The following SHISA6 variants were observed in gnomAD, a reference collection of about 807,000 sequenced individuals.
SHISA6 encodes shisa family member 6, also known as protein shisa-6.
A neutral mutation model predicts 47.9 loss-of-function variants in SHISA6; 22 were observed. The ratio of observed to expected loss-of-function variants is 0.46; its 90% CI spans 0.33 to 0.66. The LOEUF is 0.66. SHISA6 is among the 30% of genes least tolerant of loss of function. The pLI, the probability that SHISA6 is intolerant of heterozygous loss-of-function variation, is 0.02. For missense variants in SHISA6, 680 were observed against 764.6 expected (o/e 0.89, Z 1.30); for synonymous variants, 388 against 337.8 (o/e 1.15, Z -1.63).
intron 2 of SHISA6, among the ~76,000 whole-genome samples, chr17:11,293,646 T>C (rs1181528334): frequency 6.6e-6 from 1 of 151,822 alleles, no homozygotes; most frequent in Non-Finnish European, 1.5e-5. Flanking sequence ...AACGCAAGCA[T>C]GGTGATGAGG....
intron 2 of SHISA6, among the ~76,000 whole-genome samples, chr17:11,313,642 C>A (rs1361696976): frequency 6.6e-6 from 1 of 152,102 alleles, no homozygotes; most frequent in African/African-American, 2.4e-5. Context: ...GGGGAGGCGG[C>A]ATTTAAGCAG....
At chr17:11,270,682 T>G (rs561472496) in intron 2 of SHISA6, among the ~76,000 whole-genome samples, 4 of 152,228 alleles carry the variant, frequency 2.6e-5, no homozygotes, top group Non-Finnish European at 5.9e-5. Context: ...TGGACATATG[T>G]TTCCATAAAA....
At position 11,383,466 on chromosome 17, in the gene SHISA6, A is replaced by G. The variant is rs377106750; in HGVS notation, c.895+3957A>G. 1.1e-4 allele frequency among the ~76,000 whole-genome samples: 16 copies of G among 152,212 alleles called. No homozygotes were observed. In the East Asian group the frequency reaches 2.7e-3, roughly 26 times the overall value. ...TTGAGAACGTGAGATCTTATAAAAC[A>G]TAGAATTCTGCCTGTGGGAGCTCCA... On this transcript the variant is annotated intron_variant, in intron 3 of 5. Coordinates refer to ENST00000441885, the MANE Select transcript of SHISA6 (RefSeq NM_207386.4).
Position 11,284,990 on chromosome 17 carries a change from C to G in SHISA6, c.799+21464C>G, listed in dbSNP as rs564174114. ...AGCCCTCTCCAGCTGGCCCTGTGGC[C>G]TGCTACTCAGCTCAGGATGCTAAAC... is the stretch of plus-strand genomic sequence containing the variant. On this transcript the variant is annotated intron_variant, in intron 2 of 5. Transcript: ENST00000441885. Among the ~76,000 whole-genome samples the G allele has an allele frequency of 5.9e-5, 9 of 152,328 alleles. 1 individual carries two copies. Among genetic ancestry groups the G allele is most frequent in the African/African-American group, 2.2e-4 (9 of 41,570 alleles).
intron 3 of SHISA6, among the ~76,000 whole-genome samples, chr17:11,493,540 C>T (rs1056855774): frequency 6.6e-6 from 1 of 152,014 alleles, no homozygotes; most frequent in African/African-American, 2.4e-5. Flanking sequence ...AATGCAACTC[C>T]TACTTGTTTT....
chr17:11,488,972 A>C (rs988170639), intron 3 of SHISA6, among the ~76,000 whole-genome samples: 4 of 152,102 alleles, frequency 2.6e-5, no homozygotes. Flanking sequence ...CTCCCTGATG[A>C]GTCTGTTTCT....
Position 11,556,628 on chromosome 17 carries a change from T to C in SHISA6, c.1105+736T>C, listed in dbSNP as rs78744198. Among the ~76,000 whole-genome samples the C allele has an allele frequency of 1.9e-3, 296 of 152,272 alleles. 4 individuals are homozygous for C. In the East Asian group the frequency reaches 0.05, roughly 26 times the overall value. ...TTGAAAGCTTCAGGGTAACCTACCC[T>C]GACAGAAGTGCAGCCCAAGTCCACA... On this transcript the variant is annotated intron_variant, in intron 5 of 5. Coordinates refer to ENST00000441885, the MANE Select transcript of SHISA6 (RefSeq NM_207386.4).
At chr17:11,371,495 C>G (rs978018784) in intron 2 of SHISA6, among the ~76,000 whole-genome samples, 1 of 152,092 alleles carries the variant, frequency 6.6e-6, no homozygotes, top group Non-Finnish European at 1.5e-5. Context: ...AGAGCAACTC[C>G]CATTTATTGA....
intron 3 of SHISA6, among the ~76,000 whole-genome samples, chr17:11,395,987 G>C (rs1913558415): frequency 6.6e-6 from 1 of 152,146 alleles, no homozygotes; most frequent in Admixed American, 6.5e-5. Context: ...TATGACTAAG[G>C]TAGATAGACA....
rs181476637 is a variant in SHISA6, at chr17:11,286,493, G to A, written c.799+22967G>A. 3.3e-5 allele frequency among the ~76,000 whole-genome samples: 5 copies of A among 152,106 alleles called. No individual in the cohort carries two copies. In the East Asian group the frequency reaches 9.7e-4, roughly 30 times the overall value. On this transcript the variant is annotated intron_variant, in intron 2 of 5. Transcript: ENST00000441885. ...CCCTCCCTTTCTCCTGTAGTTCTTG[G>A]CTTGTACCTCTCGGTTGCACTCCCA...
chr17:11,332,611 A>G (rs1047223042), intron 2 of SHISA6, among the ~76,000 whole-genome samples: 1 of 152,110 alleles, frequency 6.6e-6, no homozygotes, highest in Non-Finnish European at 1.5e-5. Context: ...TCCCTTTCGC[A>G]GGCTCAGGTT....
chr17:11,359,329 C>G (rs1008219515), intron 2 of SHISA6, among the ~76,000 whole-genome samples: 2 of 152,188 alleles, frequency 1.3e-5, no homozygotes, highest in Non-Finnish European at 2.9e-5. Flanking sequence ...GTGTGCTTTA[C>G]TCAGAATATA....
chr17:11,421,938 C>T (rs998341691), intron 3 of SHISA6, among the ~76,000 whole-genome samples: 1 of 152,166 alleles, frequency 6.6e-6, no homozygotes, highest in Non-Finnish European at 1.5e-5. Context: ...AGGATGTTTT[C>T]AAAGAGGCTG....
Position 11,341,013 on chromosome 17 carries a change from C to T in SHISA6, c.800-38401C>T, listed in dbSNP as rs1385652867. 2.0e-5 allele frequency among the ~76,000 whole-genome samples: 3 copies of T among 152,224 alleles called. No individual in the cohort carries two copies. In the East Asian group the frequency reaches 5.8e-4, roughly 29 times the overall value. On this transcript the variant is annotated intron_variant, in intron 2 of 5. Transcript: ENST00000441885. ...CAAGCAGGAAGCAGCCCCAAGACTCCTTTCCTGTTTCTCATGTGGATAATA... is the reference window on the plus strand; with the variant it reads ...CAAGCAGGAAGCAGCCCCAAGACTCTTTTCCTGTTTCTCATGTGGATAATA...
intron 2 of SHISA6, among the ~76,000 whole-genome samples, chr17:11,370,164 A>G (rs887675710): frequency 7.2e-5 from 11 of 152,216 alleles, no homozygotes; most frequent in Non-Finnish European, 1.0e-4. Flanking sequence ...TAAGATCACC[A>G]CCATCAAGCA....
intron 3 of SHISA6, among the ~76,000 whole-genome samples, chr17:11,402,746 A>G (rs752620760): frequency 6.6e-6 from 1 of 152,260 alleles, no homozygotes; most frequent in African/African-American, 2.4e-5. Context: ...GGATAGAAAG[A>G]AAGCCAAAAC....
intron 3 of SHISA6, among the ~76,000 whole-genome samples, chr17:11,489,805 G>A (rs1172935504): frequency 6.6e-6 from 1 of 152,130 alleles, no homozygotes; most frequent in Non-Finnish European, 1.5e-5. Flanking sequence ...CAGTTTACTG[G>A]CAACTAGTGG....
At chr17:11,355,784 G>T (rs1400510462) in intron 2 of SHISA6, among the ~76,000 whole-genome samples, 1 of 152,198 alleles carries the variant, frequency 6.6e-6, no homozygotes, top group Non-Finnish European at 1.5e-5. Flanking sequence ...AAGGCAGATG[G>T]TGGGTCTGAT....
chr17:11,301,345 C>T (rs571021806), intron 2 of SHISA6, among the ~76,000 whole-genome samples: 1 of 152,258 alleles, frequency 6.6e-6, no homozygotes, highest in African/African-American at 2.4e-5. Context: ...TAAATAATTC[C>T]ATTGCAATAA....
Sources: allele counts gnomAD v4.1 joint callset (sites outside exome capture counted in the v4.1 genomes callset), GRCh38; gene constraint gnomAD v4.1.1; transcripts MANE v1.5; gene names NCBI Gene and HGNC (gene_info 2026-07-23, HGNC 2026-07-21).